The following KICS2 variants were observed in gnomAD, a reference collection of about 807,000 sequenced individuals.
KICS2 encodes the protein KICSTOR subunit 2.
A neutral mutation model predicts 31.4 loss-of-function variants in KICS2; 13 were observed. The ratio of observed to expected loss-of-function variants is 0.41; its 90% CI spans 0.27 to 0.66. The LOEUF (loss-of-function observed/expected upper bound fraction) is 0.66. KICS2 is among the 30% of genes least tolerant of loss of function. The probability of loss-of-function intolerance (pLI) is 0.28; values close to 1 mark genes in which losing one functional copy is unlikely to be tolerated. For synonymous variants in KICS2, 209 were observed against 214.8 expected (o/e 0.97, Z 0.24); for missense variants, 455 against 545.4 (o/e 0.83, Z 1.65).
downstream of KICS2, among the ~76,000 whole-genome samples, chr12:64,188,351 C>T (rs547627798): frequency 9.9e-5 from 15 of 152,198 alleles, no homozygotes; most frequent in African/African-American, 3.6e-4. Context: ...TGGTGAAACC[C>T]CGTCTCCACT....
At chr12:64,205,935 A>G (rs146027883) in intron 2 of KICS2, among the ~76,000 whole-genome samples, 93 of 152,268 alleles carry the variant, frequency 6.1e-4, no homozygotes, top group Non-Finnish European at 1.2e-3. Flanking sequence ...TCCAAAAGGT[A>G]TATGTCCTTA....
rs1385500679 is a variant in KICS2, at chr12:64,194,093, T to C, written c.1087A>G (p.Asn363Asp). 3.1e-6 allele frequency: 5 copies of C among 1,614,158 alleles called. No homozygotes were observed. The highest frequency in any genetic ancestry group is 1.1e-5 in the South Asian group (1 of 91,068). ...PSDRPVMHWP[N>D]VIMIMTDRTS... Reference sequence around the variant, plus strand: ...CGGTCCGTCATGATCATGATGACATTGGGCCAGTGCATGACTGGCCTGTCG... The same window carrying C: ...CGGTCCGTCATGATCATGATGACATCGGGCCAGTGCATGACTGGCCTGTCG... Residue 363 changes from asparagine to aspartate, a missense_variant, in exon 3 of 3, where the codon AAT becomes GAT. Coordinates refer to ENST00000398055, the MANE Select transcript of KICS2 (RefSeq NM_152440.5).
chr12:64,214,504 T>C (rs2037610589), intron 2 of KICS2, among the ~76,000 whole-genome samples: 1 of 152,190 alleles, frequency 6.6e-6, no homozygotes, highest in East Asian at 1.9e-4. Context: ...TGAAGCCTTT[T>C]TGTATTCTGA....
Position 64,208,851 on chromosome 12 carries a change from C to T in KICS2, c.521+6827G>A, listed in dbSNP as rs80257912. ...ATGGTCTAGAATGCCTAAGTGATGG[C>T]TTTCTTCTTTCTTTAGAAGTATTAT... On this transcript the variant is annotated intron_variant, in intron 2 of 2. Transcript: ENST00000398055. 2.6e-3 allele frequency among the ~76,000 whole-genome samples: 401 copies of T among 151,898 alleles called. 4 individuals carry two copies. The East Asian group carries it at 0.031, about 12-fold the overall frequency.
intron 2 of KICS2, among the ~76,000 whole-genome samples, chr12:64,194,939 T>TA (rs978224479): frequency 4.9e-4 from 74 of 150,996 alleles, no homozygotes; most frequent in African/African-American, 1.7e-3. Flanking sequence ...ACAATTCATT[T>TA]TTTTTTTTTT....
rs1325857395 is a variant in KICS2 at position 64,222,152 on chromosome 12, G to A, written c.86C>T (p.Ser29Phe). 3 of 1,613,996 alleles carry A rather than the reference G, an allele frequency of 1.9e-6. No homozygotes were observed. Among genetic ancestry groups the A allele is most frequent in the Non-Finnish European group, 2.5e-6 (3 of 1,179,968 alleles). Reference protein sequence around the residue: ...ETFFSHLGIFSYDKAKDNVEK... With the variant: ...ETFFSHLGIFFYDKAKDNVEK... ...CACATTGTCCTTAGCCTTGTCGTAA[G>A]AGAAGATACCCAGGTGAGAGAAGAA... The change falls in exon 1 of 3, where the codon TCT (serine) becomes TTT (phenylalanine). Residue 29 changes from serine (S) to phenylalanine (F), a missense_variant. Ser to Phe is a radical substitution (Grantham distance 155). Coordinates refer to ENST00000398055, the MANE Select transcript of KICS2 (RefSeq NM_152440.5).
At chr12:64,207,297 G>A (rs567948910) in intron 2 of KICS2, among the ~76,000 whole-genome samples, 150 of 59,756 alleles carry the variant, frequency 2.5e-3, no homozygotes, top group Non-Finnish European at 6.7e-4. Context: ...GAGCCAACTC[G>A]TCTCAAAAAA....
At chr12:64,221,116 G>C (rs534503704) in intron 1 of KICS2, among the ~76,000 whole-genome samples, 12 of 140,402 alleles carry the variant, frequency 8.5e-5, no homozygotes, top group Middle Eastern at 7.6e-3. Context: ...GAACGGGGGG[G>C]GGTGGATCAA....
At chr12:64,186,350 G>A (rs1592375245), downstream of KICS2, 1 of 151,990 alleles carries the variant, frequency 6.6e-6, no homozygotes, top group Non-Finnish European at 1.5e-5. Flanking sequence ...TAACCAATAA[G>A]ACTGTTAAGC....
At chr12:64,188,515 A>G (rs577934324), downstream of KICS2, among the ~76,000 whole-genome samples, 95 of 151,888 alleles carry the variant, frequency 6.3e-4, no homozygotes, top group Non-Finnish European at 9.6e-4. Context: ...AGAGAAGAAA[A>G]AGGTAAGAGG....
intron 2 of KICS2, among the ~76,000 whole-genome samples, chr12:64,196,536 A>G (rs905030470): frequency 6.6e-6 from 1 of 151,726 alleles, no homozygotes; most frequent in Non-Finnish European, 1.5e-5. Context: ...TCTAAAACGC[A>G]GAGCGTCTCT....
rs1489184086 is a variant in KICS2, at chr12:64,192,247, C to T, written c.*1595G>A. The T allele has an allele frequency of 6.6e-6, 1 of 152,116 alleles. No homozygotes were observed. Among genetic ancestry groups the T allele is most frequent in the Non-Finnish European group, 1.5e-5 (1 of 68,222 alleles). 9.4% of individuals were successfully genotyped at this position (152,116 alleles called of 1,614,324 possible). A position where few individuals can be genotyped will look rare whatever the true frequency, so the allele number is the denominator to read the frequency against. On this transcript the variant is annotated 3_prime_UTR_variant, in exon 3 of 3. Transcript: ENST00000398055. Reference sequence around the variant, plus strand: ...TCAAGCAATTCTCCTGCCTCAGCCTCCAGAGTAACTGGGATTACAGTCACC... The same window carrying T: ...TCAAGCAATTCTCCTGCCTCAGCCTTCAGAGTAACTGGGATTACAGTCACC...
At chr12:64,217,952 AAGTT>A (rs1235383108) in intron 1 of KICS2, among the ~76,000 whole-genome samples, 3 of 152,160 alleles carry the variant, frequency 2.0e-5, no homozygotes. Context: ...GAAAGAAAGA[AAGTT>A]AGTTTATGAA....
chr12:64,194,550 G>C lies in KICS2; in HGVS notation c.630C>G (p.Leu210=), dbSNP rs2037414296. The C allele has an allele frequency of 1.2e-6, 2 of 1,614,188 alleles. No individual in the cohort carries two copies. Among genetic ancestry groups the C allele is most frequent in the East Asian group, 2.2e-5 (1 of 44,880 alleles). ...AQAQVSEWKF[L]PSLVNLHSAH... is the part of the protein sequence containing the mutation. ...CACTGTGTAAATTAACCAGAGATGG[G>C]AGGAACTTCCACTCTGAGACCTGGG... Residue 210 remains leucine (L), a synonymous_variant, in exon 3 of 3, where the codon CTC becomes CTG. Coordinates refer to ENST00000398055, the MANE Select transcript of KICS2 (RefSeq NM_152440.5).
At chr12:64,188,241 G>A (rs1414233305), downstream of KICS2, among the ~76,000 whole-genome samples, 1 of 152,122 alleles carries the variant, frequency 6.6e-6, no homozygotes, top group Non-Finnish European at 1.5e-5. Context: ...AAGAGAGGAT[G>A]GGGCTGGGCA....
intron 2 of KICS2, among the ~76,000 whole-genome samples, chr12:64,215,202 C>G (rs770926861): frequency 4.6e-5 from 7 of 151,718 alleles, no homozygotes; most frequent in Non-Finnish European, 1.0e-4. Context: ...ATCCCAGCTA[C>G]TCAGGAGGCT....
chr12:64,193,817 G>T lies in KICS2; in HGVS notation c.*25C>A. On this transcript the variant is annotated 3_prime_UTR_variant, in exon 3 of 3. Transcript: ENST00000398055. The stretch of plus-strand genomic sequence containing the variant: ...GCAATTAAGAACAGTTTCTAGTCTT[G>T]AAACCCCTCCACGCAAATCACCTGC... 6.3e-7 allele frequency: 1 copy of T among 1,592,442 alleles called. No homozygotes were observed. Among genetic ancestry groups the T allele is most frequent in the South Asian group, 1.2e-5 (1 of 86,384 alleles).
Position 64,193,338 on chromosome 12 carries a change from A to C in KICS2, c.*504T>G, listed in dbSNP as rs768076630. 181 of 985,362 alleles carry C rather than the reference A, an allele frequency of 1.8e-4. No homozygotes were observed. Among genetic ancestry groups the C allele is most frequent in the Non-Finnish European group, 2.1e-4 (176 of 829,956 alleles). The allele number at this position is 985,362 out of a possible 1,614,324, so 61.0% of individuals were successfully genotyped here. A position where few individuals can be genotyped will look rare whatever the true frequency, so the allele number is the denominator to read the frequency against. On this transcript the variant is annotated 3_prime_UTR_variant, in exon 3 of 3. Transcript: ENST00000398055. Reference sequence around the variant, plus strand: ...CCCTAATTTTGGCATCAAAAATGTTAATTTGTAGATCAGAATCATAAATCT... The same window carrying C: ...CCCTAATTTTGGCATCAAAAATGTTCATTTGTAGATCAGAATCATAAATCT...
chr12:64,212,114 A>C (rs1476707326), intron 2 of KICS2, among the ~76,000 whole-genome samples: 3 of 151,044 alleles, frequency 2.0e-5, no homozygotes, highest in Non-Finnish European at 3.0e-5. Context: ...GGTGAAGGAC[A>C]GTTATATGTT....
Sources: gnomAD v4.1 joint callset for allele counts (sites outside exome capture counted in the v4.1 genomes callset) on GRCh38, gnomAD v4.1.1 for gene constraint, MANE v1.5 for transcripts, NCBI Gene and HGNC (gene_info 2026-07-23, HGNC 2026-07-21) for gene names.